RBFOX1: variants seen among roughly 807,000 people sequenced by gnomAD.
RBFOX1 encodes the protein RNA binding protein fox-1 homolog 1.
A neutral mutation model predicts 57.7 loss-of-function variants in RBFOX1; 8 were observed. The observed-to-expected ratio is 0.14, with a 90% CI of 0.08 to 0.25. The LOEUF is 0.25. Ranked by LOEUF, RBFOX1 falls within the 10% of genes least tolerant of loss-of-function variation. The pLI is 1.00. For missense variants in RBFOX1, 611 were observed against 548.5 expected (o/e 1.11, Z -1.14); for synonymous variants, 326 against 222.4 (o/e 1.47, Z -4.15).
chr16:7,357,734 G>T (rs1013307971), intron 4 of RBFOX1, among the ~76,000 whole-genome samples: 8 of 152,264 alleles, frequency 5.3e-5, no homozygotes, highest in Middle Eastern at 3.4e-3. Flanking sequence ...CAGGCTAGTG[G>T]AGGTGCTTCC....
intron 5 of RBFOX1, among the ~76,000 whole-genome samples, chr16:7,551,559 G>C (rs949200569): frequency 1.3e-5 from 2 of 152,302 alleles, no homozygotes; most frequent in Admixed American, 1.3e-4. Context: ...GTCAATAAGT[G>C]AGCAAATAAA....
At chr16:5,987,806 A>C (rs1474110373) in intron 4 of RBFOX1, among the ~76,000 whole-genome samples, 2 of 152,192 alleles carry the variant, frequency 1.3e-5, no homozygotes, top group Non-Finnish European at 2.9e-5. Context: ...CCATTTACTG[A>C]AAACTATAGC....
In RBFOX1 at chr16:6,857,871, A is replaced by G. The variant is rs143687584; in HGVS notation, c.-15-194186A>G. ...CTTCATGCTCAGTTACCATTTAGCA[A>G]CCTGTCAAATCCTGAGCTAATGAGC... On this transcript the variant is annotated intron_variant, in intron 3 of 15. Transcript: ENST00000550418. Among the ~76,000 whole-genome samples the G allele has an allele frequency of 8.3e-4, 126 of 152,302 alleles. 1 individual carries two copies. Among genetic ancestry groups the G allele is most frequent in the African/African-American group, 2.6e-3 (108 of 41,576 alleles).
intron 1 of RBFOX1, among the ~76,000 whole-genome samples, chr16:5,364,810 C>T (rs1342610587): frequency 6.6e-6 from 1 of 152,142 alleles, no homozygotes; most frequent in East Asian, 1.9e-4. Context: ...AGATGGGGAC[C>T]AGCTATGGGG....
intron 3 of RBFOX1, among the ~76,000 whole-genome samples, chr16:5,715,109 C>G (rs1345519025): frequency 1.3e-5 from 2 of 152,228 alleles, no homozygotes; most frequent in African/African-American, 4.8e-5. Context: ...TGCTCAGTAC[C>G]TTACATTTAG....
At chr16:7,322,167 A>C (rs570289809) in intron 4 of RBFOX1, among the ~76,000 whole-genome samples, 1 of 152,380 alleles carries the variant, frequency 6.6e-6, no homozygotes, top group South Asian at 2.1e-4. Flanking sequence ...AAGCTTCAGC[A>C]GAGAGAAGCC....
At chr16:7,677,825 A>ATTGT in intron 14 of RBFOX1, among the ~76,000 whole-genome samples, 1 of 152,158 alleles carries the variant, frequency 6.6e-6, no homozygotes, top group Non-Finnish European at 1.5e-5. Context: ...TCAGACAGGT[A>ATTGT]AGCAGGCGAT....
chr16:6,045,247 G>C (rs1291456794), intron 1 of RBFOX1, among the ~76,000 whole-genome samples: 3 of 152,190 alleles, frequency 2.0e-5, no homozygotes, highest in African/African-American at 7.2e-5. Context: ...CTGACCTGTG[G>C]AACACACATT....
intron 1 of RBFOX1, among the ~76,000 whole-genome samples, chr16:6,135,492 G>C (rs1244266456): frequency 6.6e-6 from 1 of 152,102 alleles, no homozygotes. Flanking sequence ...ATCATTTTGA[G>C]GCAAATTGGA....
chr16:6,956,899 T>C (rs1051134424), intron 3 of RBFOX1, among the ~76,000 whole-genome samples: 2 of 151,984 alleles, frequency 1.3e-5, no homozygotes, highest in Non-Finnish European at 2.9e-5. Context: ...TCTGGGCTAG[T>C]TGTGTTACCA....
chr16:7,231,857 C>G (rs1288536948), intron 4 of RBFOX1, among the ~76,000 whole-genome samples: 1 of 152,092 alleles, frequency 6.6e-6, no homozygotes, highest in Admixed American at 6.5e-5. Context: ...TAGGTAAATC[C>G]ACACCAACAG....
intron 3 of RBFOX1, among the ~76,000 whole-genome samples, chr16:5,857,962 A>C (rs1056299635): frequency 6.6e-6 from 1 of 151,986 alleles, no homozygotes; most frequent in Non-Finnish European, 1.5e-5. Flanking sequence ...ATAAAAAAAG[A>C]AATGTTATAA....
intron 2 of RBFOX1, among the ~76,000 whole-genome samples, chr16:6,439,066 T>C (rs2094310258): frequency 6.6e-6 from 1 of 152,158 alleles, no homozygotes; most frequent in South Asian, 2.1e-4. Flanking sequence ...AAAATCAATC[T>C]AGCCTGTTTT....
chr16:6,471,795 G>A (rs982393975), intron 2 of RBFOX1, among the ~76,000 whole-genome samples: 26 of 152,102 alleles, frequency 1.7e-4, no homozygotes, highest in African/African-American at 5.8e-4. Flanking sequence ...CATGTCTTGT[G>A]CAATCCCAGC....
chr16:5,675,231 C>T (rs1421479159), intron 3 of RBFOX1, among the ~76,000 whole-genome samples: 1 of 152,126 alleles, frequency 6.6e-6, no homozygotes, highest in Non-Finnish European at 1.5e-5. Context: ...CACACACACA[C>T]ACGCACACCC....
At chr16:6,195,963 T>C (rs2097177425) in intron 1 of RBFOX1, among the ~76,000 whole-genome samples, 1 of 152,166 alleles carries the variant, frequency 6.6e-6, no homozygotes, top group African/African-American at 2.4e-5. Flanking sequence ...GGGTGGAATT[T>C]AAATAGAAGT....
At chr16:5,468,774 C>G (rs183314418) in intron 2 of RBFOX1, among the ~76,000 whole-genome samples, 266 of 152,320 alleles carry the variant, frequency 1.7e-3, no homozygotes, top group African/African-American at 6.0e-3. Context: ...GTGTAGCTCC[C>G]TTTGGCTTGA....
At chr16:7,417,415 C>G (rs956546165) in intron 4 of RBFOX1, among the ~76,000 whole-genome samples, 2 of 151,148 alleles carry the variant, frequency 1.3e-5, no homozygotes, top group Middle Eastern at 3.5e-3. Context: ...TCCTGTTCCC[C>G]CAGTTTCCCC....
At chr16:7,159,972 G>T (rs1027358567) in intron 4 of RBFOX1, among the ~76,000 whole-genome samples, 3 of 152,074 alleles carry the variant, frequency 2.0e-5, no homozygotes, top group African/African-American at 7.2e-5. Context: ...TCCTTGAGGG[G>T]GGAGTTGTCA....
Sources: gnomAD v4.1 joint callset for allele counts (sites outside exome capture counted in the v4.1 genomes callset) on GRCh38, gnomAD v4.1.1 for gene constraint, MANE v1.5 for transcripts, NCBI Gene and HGNC (gene_info 2026-07-23, HGNC 2026-07-21) for gene names.